The following ZNF148 variants were observed in gnomAD, a reference collection of about 807,000 sequenced individuals.
The protein encoded by ZNF148 is Beta-Enolase Repressor Factor-1.
A neutral mutation model predicts 67.7 loss-of-function variants in ZNF148; 7 were observed. That is an observed-to-expected ratio of 0.10 (90% CI 0.06 to 0.19). ZNF148 has a LOEUF of 0.19. ZNF148 is among the 10% of genes least tolerant of loss of function. The pLI, the probability that ZNF148 is intolerant of heterozygous loss-of-function variation, is 1.00. For synonymous variants in ZNF148, 333 were observed against 330.7 expected, an observed-to-expected ratio of 1.01 and a Z score of -0.08; for missense variants, 583 against 947.1, an observed-to-expected ratio of 0.62 and a Z score of 5.05.
At chr3:125,304,994 G>A (rs575987020) in intron 4 of ZNF148, among the ~76,000 whole-genome samples, 1 of 152,146 alleles carries the variant, frequency 6.6e-6, no homozygotes, top group Non-Finnish European at 1.5e-5. Context: ...GCTTGAAAAG[G>A]CTTCTGTTAG....
intron 1 of ZNF148, among the ~76,000 whole-genome samples, chr3:125,370,629 G>C (rs1050703628): frequency 2.0e-5 from 3 of 152,168 alleles, no homozygotes; most frequent in Non-Finnish European, 4.4e-5. Flanking sequence ...CCATTACTTA[G>C]ACTCCCAAAA....
intron 4 of ZNF148, among the ~76,000 whole-genome samples, chr3:125,306,529 T>G (rs1259468830): frequency 3.3e-5 from 5 of 152,146 alleles, no homozygotes; most frequent in African/African-American, 1.2e-4. Context: ...AAAACACAAT[T>G]TACCAAAACT....
chr3:125,344,725 T>C, intron 1 of ZNF148: 1 of 573,274 alleles, frequency 1.7e-6, no homozygotes, highest in Non-Finnish European at 3.2e-6. Flanking sequence ...AGTGCCAGTT[T>C]CCATTATGCT....
At chr3:125,288,311 C>T (rs1938814234) in intron 4 of ZNF148, 83 bp from the exon 5 acceptor site, 2 of 1,420,142 alleles carry the variant, frequency 1.4e-6, no homozygotes, top group Non-Finnish European at 1.9e-6. Context: ...TAATCCTTTG[C>T]TAAACCCACA....
chr3:125,355,954 T>C (rs1942327038), intron 1 of ZNF148, among the ~76,000 whole-genome samples: 1 of 152,198 alleles, frequency 6.6e-6, no homozygotes, highest in Admixed American at 6.5e-5. Context: ...ATTAACTTAA[T>C]TCCTCTTCTC....
intron 5 of ZNF148, among the ~76,000 whole-genome samples, chr3:125,283,709 A>T (rs2107616879): frequency 1.3e-5 from 2 of 152,270 alleles, no homozygotes; most frequent in South Asian, 4.1e-4. Context: ...TAACATGTAG[A>T]AGAAAGCATG....
chr3:125,228,314 G>A lies in ZNF148; in HGVS notation c.*4027C>T, dbSNP rs1935719162. 1 of 152,598 alleles carries A rather than the reference G, an allele frequency of 6.6e-6. No individual in the cohort carries two copies. Among genetic ancestry groups the A allele is most frequent in the Admixed American group, 6.6e-5 (1 of 15,258 alleles). The allele number at this position is 152,598 out of a possible 1,614,324, so 9.5% of individuals were successfully genotyped here. A position where few individuals can be genotyped will look rare whatever the true frequency, so the allele number is the denominator to read the frequency against. On this transcript the variant is annotated 3_prime_UTR_variant, in exon 9 of 9. Transcript: ENST00000360647. ...GTGGTAAGGCCATTCAATGCTTAGT[G>A]AAAGTGAGTACAGATGAAGTCAGAT...
intron 4 of ZNF148, among the ~76,000 whole-genome samples, chr3:125,302,463 G>C (rs1939645877): frequency 6.6e-6 from 1 of 151,986 alleles, no homozygotes; most frequent in Non-Finnish European, 1.5e-5. Flanking sequence ...CTTATCAACA[G>C]GAACCCATAA....
At chr3:125,234,037 G>A in intron 8 of ZNF148, 98 bp from the exon 9 acceptor site, 1 of 1,385,220 alleles carries the variant, frequency 7.2e-7, no homozygotes, top group Non-Finnish European at 9.7e-7. Flanking sequence ...ATATATTAAT[G>A]CAATAACATA....
At chr3:125,325,927 G>A (rs1940997511) in intron 2 of ZNF148, among the ~76,000 whole-genome samples, 2 of 152,158 alleles carry the variant, frequency 1.3e-5, no homozygotes, top group African/African-American at 4.8e-5. Flanking sequence ...AGCAGGAAGA[G>A]AATAATGATT....
chr3:125,270,341 T>TA (rs550755110), intron 7 of ZNF148, among the ~76,000 whole-genome samples: 12,154 of 141,146 alleles, frequency 0.086, 565 homozygotes, highest in Non-Finnish European at 0.1. Flanking sequence ...ACTCCATCTC[T>TA]AAAAAAAAAA....
Position 125,309,238 on chromosome 3 carries a change from TA to T in ZNF148, c.333+4069del, listed in dbSNP as rs1404220708. On this transcript the variant is annotated intron_variant, in intron 4 of 8. Transcript: ENST00000360647. ...ATTTCACTTTAAACTTTTCCTCAAT[TA>T]AAAACAGAATGTATATTTTCACTCA... 2.0e-5 allele frequency among the ~76,000 whole-genome samples: 3 copies of T among 152,264 alleles called. No homozygotes were observed. The East Asian group carries it at 5.8e-4, about 29-fold the overall frequency.
At chr3:125,274,411 C>T (rs549308936) in intron 7 of ZNF148, among the ~76,000 whole-genome samples, 58 of 152,124 alleles carry the variant, frequency 3.8e-4, no homozygotes, top group Non-Finnish European at 6.2e-4. Context: ...TACAATGTGG[C>T]AGTTTTCAGT....
chr3:125,323,603 T>C (rs1940880469), intron 2 of ZNF148, among the ~76,000 whole-genome samples, 159 bp from the exon 3 acceptor site: 1 of 152,196 alleles, frequency 6.6e-6, no homozygotes, highest in Non-Finnish European at 1.5e-5. Flanking sequence ...TTTTTATGTT[T>C]GAAATTGGGA....
At position 125,232,327 on chromosome 3, in the gene ZNF148, C is replaced by CTTT; in HGVS notation, c.*11_*13dup. On this transcript the variant is annotated 3_prime_UTR_variant, in exon 9 of 9. Coordinates refer to ENST00000360647, the MANE Select transcript of ZNF148 (RefSeq NM_021964.3). The surrounding 1 kb of genome is among the most constrained non-coding windows in gnomAD (Gnocchi z 4.2). ...TTCTAAAGTGCCAGTATTATTTACA[C>CTTT]TTTTTTTTTTTTTTTAGCCAAAAGT... is the stretch of plus-strand genomic sequence containing the variant. 6.8e-7 allele frequency: 1 copy of CTTT among 1,469,144 alleles called. No homozygotes were observed. Among genetic ancestry groups the CTTT allele is most frequent in the Non-Finnish European group, 9.2e-7 (1 of 1,091,004 alleles). The allele number at this position is 1,469,144 out of a possible 1,614,324, so 91.0% of individuals were successfully genotyped here. A position where few individuals can be genotyped will look rare whatever the true frequency, so the allele number is the denominator to read the frequency against.
At chr3:125,288,042 T>A in intron 5 of ZNF148, 61 bp downstream of exon 5, 1 of 1,609,460 alleles carries the variant, frequency 6.2e-7, no homozygotes, top group Non-Finnish European at 8.5e-7. Flanking sequence ...TTCTTGCCTA[T>A]AGAATTAACC....
intron 1 of ZNF148, among the ~76,000 whole-genome samples, chr3:125,363,061 T>C (rs546211973): frequency 6.6e-6 from 1 of 152,256 alleles, no homozygotes; most frequent in East Asian, 1.9e-4. Context: ...CTCACCACTG[T>C]TTCTACATTT....
At chr3:125,240,765 CA>C (rs200238945) in intron 7 of ZNF148, among the ~76,000 whole-genome samples, 1,146 of 84,030 alleles carry the variant, frequency 0.014, 4 homozygotes, top group Non-Finnish European at 0.017. Flanking sequence ...ATCCTGTCTG[CA>C]AAAAAAAAAA....
chr3:125,253,825 A>G (rs1936954880), intron 7 of ZNF148, among the ~76,000 whole-genome samples: 1 of 152,170 alleles, frequency 6.6e-6, no homozygotes, highest in African/African-American at 2.4e-5. Context: ...AATACTCTAC[A>G]TAGAACTCTT....
Sources: allele counts gnomAD v4.1 joint callset (sites outside exome capture counted in the v4.1 genomes callset), GRCh38; gene constraint gnomAD v4.1.1; non-coding constraint Gnocchi (gnomAD v3.1); transcripts MANE v1.5; gene names NCBI Gene and HGNC (gene_info 2026-07-23, HGNC 2026-07-21).